SLC13A1: variants seen among roughly 807,000 people sequenced by gnomAD.
The protein encoded by SLC13A1 is Na(+)/sulfate cotransporter.
In SLC13A1, 65 loss-of-function variants were observed where a neutral mutation model predicts 70.0. That is an observed-to-expected ratio of 0.93 (90% CI 0.76 to 1.14). SLC13A1 has a LOEUF of 1.14. Ranked by LOEUF, SLC13A1 falls within the 50% of genes most tolerant of loss-of-function variation. The pLI is 0.00. For synonymous variants in SLC13A1, 275 were observed against 250.5 expected (o/e 1.10, Z -0.92); for missense variants, 726 against 717.8 (o/e 1.01, Z -0.13).
At chr7:123,171,938 T>G in intron 2 of SLC13A1, 34 bp from the exon 3 acceptor site, 1 of 1,599,592 alleles carries the variant, frequency 6.3e-7, no homozygotes, top group South Asian at 1.1e-5. Context: ...ATTATTTACT[T>G]TGGTGGGGAA....
chr7:123,184,217 T>C (rs761193335), intron 1 of SLC13A1, among the ~76,000 whole-genome samples: 24 of 152,132 alleles, frequency 1.6e-4, no homozygotes, highest in Admixed American at 5.9e-4. Flanking sequence ...CTATGCATAG[T>C]GGAATGACTA....
chr7:123,130,714 TTAAGA>T (rs1793728255), intron 8 of SLC13A1, among the ~76,000 whole-genome samples: 2 of 152,130 alleles, frequency 1.3e-5, no homozygotes, highest in Non-Finnish European at 2.9e-5. Flanking sequence ...ATCATGGAAC[TTAAGA>T]TAAAATTTAA....
At chr7:123,168,241 T>C in intron 6 of SLC13A1, 133 bp downstream of exon 6, 1 of 604,408 alleles carries the variant, frequency 1.7e-6, no homozygotes, top group East Asian at 2.9e-5. Flanking sequence ...CATTACACCA[T>C]GCTACTGCTT....
chr7:123,158,989 G>A (rs1238329201), intron 6 of SLC13A1, among the ~76,000 whole-genome samples: 1 of 151,958 alleles, frequency 6.6e-6, no homozygotes. Context: ...AAATACAATG[G>A]TGAACAAAGA....
chr7:123,128,692 A>AT (rs1441950129), intron 10 of SLC13A1, among the ~76,000 whole-genome samples, 153 bp downstream of exon 10: 1 of 152,106 alleles, frequency 6.6e-6, no homozygotes, highest in Non-Finnish European at 1.5e-5. Flanking sequence ...ATTCCTTATA[A>AT]TTTTTTTCCT....
At chr7:123,199,761 G>T in intron 1 of SLC13A1, 87 bp downstream of exon 1, 2 of 960,784 alleles carry the variant, frequency 2.1e-6, no homozygotes, top group Non-Finnish European at 3.3e-6. Flanking sequence ...TCAGCTCTGA[G>T]CCAGGCAGTT....
chr7:123,175,297 A>G (rs1369607526), intron 2 of SLC13A1, among the ~76,000 whole-genome samples: 2 of 152,082 alleles, frequency 1.3e-5, no homozygotes. Context: ...TTTTTTTCCT[A>G]GAGGGATTGG....
chr7:123,120,979 C>G (rs781608846), intron 12 of SLC13A1, among the ~76,000 whole-genome samples: 2 of 152,032 alleles, frequency 1.3e-5, no homozygotes, highest in Non-Finnish European at 2.9e-5. Flanking sequence ...AGTCCAGAAT[C>G]TCAAAGTCTC....
intron 12 of SLC13A1, 124 bp downstream of exon 12, chr7:123,123,002 C>G (rs546015071): frequency 2.8e-6 from 2 of 718,104 alleles, no homozygotes; most frequent in Non-Finnish European, 2.5e-6. Context: ...CACTGCATAG[C>G]TAGCAAAATT....
chr7:123,137,807 A>G (rs1376597288), intron 7 of SLC13A1, among the ~76,000 whole-genome samples: 1 of 152,164 alleles, frequency 6.6e-6, no homozygotes, highest in Non-Finnish European at 1.5e-5. Flanking sequence ...GTTGGTGTAT[A>G]TATGTATGGG....
chr7:123,179,391 T>C (rs986483611), intron 2 of SLC13A1, among the ~76,000 whole-genome samples: 4 of 152,246 alleles, frequency 2.6e-5, no homozygotes, highest in African/African-American at 9.6e-5. Context: ...GTTAGAGATA[T>C]TGGAGATATT....
chr7:123,159,514 G>A (rs900419321), intron 6 of SLC13A1, among the ~76,000 whole-genome samples: 1 of 152,122 alleles, frequency 6.6e-6, no homozygotes, highest in Non-Finnish European at 1.5e-5. Context: ...CTTGTACTTG[G>A]CTAGCCTCCA....
chr7:123,193,569 A>G (rs962321822), intron 1 of SLC13A1, among the ~76,000 whole-genome samples: 2 of 152,216 alleles, frequency 1.3e-5, no homozygotes, highest in African/African-American at 4.8e-5. Flanking sequence ...ACATAAGGCA[A>G]TCTGAGCACA....
chr7:123,171,932 T>A (rs981261224), intron 2 of SLC13A1, 28 bp from the exon 3 acceptor site: 3 of 1,602,944 alleles, frequency 1.9e-6, no homozygotes, highest in Non-Finnish European at 2.6e-6. Context: ...CCCGTGATTA[T>A]TTACTTTGGT....
Position 123,115,643 on chromosome 7 carries a change from G to C in SLC13A1, c.1663C>G (p.Leu555Val), listed in dbSNP as rs1793155764. 1.2e-6 allele frequency: 2 copies of C among 1,613,588 alleles called. No homozygotes were observed. The highest frequency in any genetic ancestry group is 2.7e-5 in the African/African-American group (2 of 74,916). ...LKVIDMVKAG[L>V]GVNIVGVAVV... ...GCAACACCAACAATGTTGACACCAAGTCCAGCTTTAACCTTGAACAGGAAA... is the reference window on the plus strand; with the variant it reads ...GCAACACCAACAATGTTGACACCAACTCCAGCTTTAACCTTGAACAGGAAA... Residue 555 changes from leucine to valine, a missense_variant, in exon 15 of 15, where the codon CTT (leucine) becomes GTT (valine). Leu to Val is a conservative substitution (Grantham distance 32). Transcript: ENST00000194130.
intron 7 of SLC13A1, among the ~76,000 whole-genome samples, chr7:123,136,740 T>C (rs1563325001): frequency 6.6e-6 from 1 of 151,866 alleles, no homozygotes; most frequent in Non-Finnish European, 1.5e-5. Flanking sequence ...TATAACAAAA[T>C]AGGAAATAAA....
At chr7:123,139,673 T>C (rs1794065500) in intron 7 of SLC13A1, among the ~76,000 whole-genome samples, 1 of 152,126 alleles carries the variant, frequency 6.6e-6, no homozygotes, top group African/African-American at 2.4e-5. Context: ...TATTTGTGGC[T>C]GTCATAAATG....
At chr7:123,123,286 G>T in intron 11 of SLC13A1, 51 bp from the exon 12 acceptor site, 1 of 1,163,708 alleles carries the variant, frequency 8.6e-7, no homozygotes, top group South Asian at 1.2e-5. Context: ...ATTACAATAT[G>T]ACATTTGCTT....
At chr7:123,163,921 A>G (rs1248688219) in intron 6 of SLC13A1, among the ~76,000 whole-genome samples, 3 of 152,052 alleles carry the variant, frequency 2.0e-5, no homozygotes, top group Non-Finnish European at 4.4e-5. Context: ...CAATAAGCAA[A>G]TATTTACTAT....
Sources: gnomAD v4.1 joint callset for allele counts (sites outside exome capture counted in the v4.1 genomes callset) on GRCh38, gnomAD v4.1.1 for gene constraint, MANE v1.5 for transcripts, NCBI Gene and HGNC (gene_info 2026-07-23, HGNC 2026-07-21) for gene names.